Variants in DGKB observed in about 807,000 individuals in gnomAD.
The protein encoded by DGKB is diacylglycerol kinase beta.
A neutral mutation model predicts 114.3 loss-of-function variants in DGKB; 67 were observed. The ratio of observed to expected loss-of-function variants is 0.59; its 90% CI spans 0.48 to 0.72. The LOEUF (loss-of-function observed/expected upper bound fraction) is 0.72, where lower values mean the gene tolerates loss of function less well. Among genes scored for constraint, DGKB ranks in the 30% least tolerant of loss-of-function variants. DGKB has a pLI of 0.00. For missense variants in DGKB, 907 were observed against 975.2 expected (o/e 0.93, Z 0.93); for synonymous variants, 398 against 323.1 (o/e 1.23, Z -2.49).
chr7:14,878,784 A>G (rs1188016795), intron 1 of DGKB, among the ~76,000 whole-genome samples: 2 of 151,114 alleles, frequency 1.3e-5, no homozygotes, highest in East Asian at 3.9e-4. Flanking sequence ...AAAAAAAACC[A>G]AAGACTTAAA....
At chr7:14,502,796 C>T (rs1382410116) in intron 20 of DGKB, among the ~76,000 whole-genome samples, 1 of 152,086 alleles carries the variant, frequency 6.6e-6, no homozygotes, top group East Asian at 1.9e-4. Flanking sequence ...CAAAAGCACT[C>T]TTGCTGTATG....
chr7:14,765,286 T>A (rs956169743), intron 2 of DGKB, among the ~76,000 whole-genome samples: 2 of 152,016 alleles, frequency 1.3e-5, no homozygotes, highest in African/African-American at 4.8e-5. Flanking sequence ...TCTCTACTTG[T>A]TCCTGCTAAG....
chr7:14,313,940 C>G (rs939029371), intron 23 of DGKB, among the ~76,000 whole-genome samples: 1 of 152,206 alleles, frequency 6.6e-6, no homozygotes, highest in Non-Finnish European at 1.5e-5. Flanking sequence ...GATCTGAGAA[C>G]GGGCAGACTG....
At chr7:14,274,208 A>C (rs773076024) in intron 23 of DGKB, among the ~76,000 whole-genome samples, 1 of 152,156 alleles carries the variant, frequency 6.6e-6, no homozygotes, top group African/African-American at 2.4e-5. Context: ...CATGATCCAC[A>C]TGTTCCTCTG....
At chr7:14,515,503 T>G (rs574690219) in intron 20 of DGKB, among the ~76,000 whole-genome samples, 1 of 152,294 alleles carries the variant, frequency 6.6e-6, no homozygotes, top group African/African-American at 2.4e-5. Context: ...AATTAAAATA[T>G]ATTAAACTAC....
intron 23 of DGKB, among the ~76,000 whole-genome samples, chr7:14,331,033 T>C (rs1809633084): frequency 6.6e-6 from 1 of 152,012 alleles, no homozygotes; most frequent in African/African-American, 2.4e-5. Context: ...GATACCCAGG[T>C]ATATGATGTA....
chr7:14,331,332 CTT>C (rs1263957755), intron 23 of DGKB, among the ~76,000 whole-genome samples: 2 of 151,946 alleles, frequency 1.3e-5, no homozygotes, highest in Non-Finnish European at 2.9e-5. Context: ...AAATCCTTTT[CTT>C]GTTTCCAAAT....
chr7:14,954,851 T>G (rs1478914383), intron 1 of DGKB, among the ~76,000 whole-genome samples: 1 of 152,056 alleles, frequency 6.6e-6, no homozygotes, highest in Non-Finnish European at 1.5e-5. Flanking sequence ...AAGTTTAGGT[T>G]CAAGTTCAAA....
intron 13 of DGKB, among the ~76,000 whole-genome samples, chr7:14,648,412 C>G (rs1262471690): frequency 6.6e-6 from 1 of 152,130 alleles, no homozygotes; most frequent in African/African-American, 2.4e-5. Context: ...CAGGGTACTC[C>G]AACAGACCTG....
chr7:14,644,192 G>C (rs1177467742), intron 13 of DGKB, among the ~76,000 whole-genome samples: 1 of 151,172 alleles, frequency 6.6e-6, no homozygotes, highest in East Asian at 1.9e-4. Flanking sequence ...CTACCTAACT[G>C]ACTCTATAGA....
intron 1 of DGKB, among the ~76,000 whole-genome samples, chr7:14,872,803 A>G (rs919161983): frequency 6.7e-6 from 1 of 148,716 alleles, no homozygotes; most frequent in Admixed American, 6.7e-5. Flanking sequence ...ACATATATGT[A>G]TATAATATAA....
intron 23 of DGKB, among the ~76,000 whole-genome samples, chr7:14,221,334 A>G (rs865934772): frequency 4.6e-5 from 7 of 151,390 alleles, no homozygotes; most frequent in Admixed American, 6.6e-5. Context: ...GCCCTTTATC[A>G]GGTTGAGTAC....
In DGKB at chr7:14,630,108, G is replaced by GA. The variant is rs1297788657; in HGVS notation, c.1167+127dup. On this transcript the variant is annotated intron_variant, in intron 14 of 25. Coordinates refer to ENST00000402815, the MANE Select transcript of DGKB (RefSeq NM_001350709.2). ...CCACCACTTCCAATTAGCAGAATAT[G>GA]AAAAAAATAAAATATAACATGCTGG... The GA allele has an allele frequency of 4.4e-5, 23 of 524,392 alleles. No individual in the cohort carries two copies. In the East Asian group the frequency reaches 7.3e-4, roughly 17 times the overall value. The allele number at this position is 524,392 out of a possible 1,614,324, so 32.5% of individuals were successfully genotyped here.
At chr7:14,152,502 G>A (rs1473392130) in intron 25 of DGKB, among the ~76,000 whole-genome samples, 1 of 151,978 alleles carries the variant, frequency 6.6e-6, no homozygotes, top group Non-Finnish European at 1.5e-5. Flanking sequence ...ACAGAATGGT[G>A]TCCTCCTATA....
intron 23 of DGKB, among the ~76,000 whole-genome samples, chr7:14,202,646 A>G (rs1292992534): frequency 6.6e-6 from 1 of 152,020 alleles, no homozygotes; most frequent in Non-Finnish European, 1.5e-5. Context: ...TATTATATAG[A>G]ACTGCCTATT....
At chr7:14,825,116 A>G (rs145104464) in intron 2 of DGKB, among the ~76,000 whole-genome samples, 259 of 146,824 alleles carry the variant, frequency 1.8e-3, no homozygotes, top group African/African-American at 6.0e-3. Context: ...CTGTTGTTCT[A>G]TATGTGTTCC....
intron 20 of DGKB, among the ~76,000 whole-genome samples, chr7:14,491,515 A>G (rs1180812284): frequency 6.6e-6 from 1 of 152,094 alleles, no homozygotes; most frequent in Non-Finnish European, 1.5e-5. Flanking sequence ...TGGATAATTC[A>G]CTTGATGTTA....
At chr7:14,819,338 G>C (rs1377764289) in intron 2 of DGKB, among the ~76,000 whole-genome samples, 2 of 152,090 alleles carry the variant, frequency 1.3e-5, no homozygotes, top group African/African-American at 4.8e-5. Context: ...TGTAATCCCA[G>C]CACTTTGGGA....
At chr7:14,701,619 C>T in intron 7 of DGKB, 62 bp downstream of exon 7, 1 of 1,152,310 alleles carries the variant, frequency 8.7e-7, no homozygotes, top group South Asian at 1.3e-5. Flanking sequence ...CAAATTTATT[C>T]ATTGCATTCT....
Sources: gnomAD v4.1 joint callset for allele counts (sites outside exome capture counted in the v4.1 genomes callset) on GRCh38, gnomAD v4.1.1 for gene constraint, MANE v1.5 for transcripts, NCBI Gene and HGNC (gene_info 2026-07-23, HGNC 2026-07-21) for gene names.